CCNH: variants seen among roughly 807,000 people sequenced by gnomAD.
CCNH encodes cyclin-H.
CCNH carries 31 observed loss-of-function variants against 41.9 expected under a neutral mutation model. That is an observed-to-expected ratio of 0.74 (90% CI 0.56 to 1.00). The LOEUF (loss-of-function observed/expected upper bound fraction) is 1.00, where lower values mean the gene tolerates loss of function less well. Among genes scored for constraint, CCNH ranks in the 50% least tolerant of loss-of-function variants. The pLI is 0.00. For synonymous variants in CCNH, 138 were observed against 136.1 expected (o/e 1.01, Z -0.10); for missense variants, 362 against 388.4 (o/e 0.93, Z 0.57).
chr5:87,357,603 G>GC (rs1759748399), intron 9 of CCNH, among the ~76,000 whole-genome samples: 1 of 152,150 alleles, frequency 6.6e-6, no homozygotes, highest in Non-Finnish European at 1.5e-5. Flanking sequence ...TACTCTGGAG[G>GC]CTGAGGCAGG....
chr5:87,374,708 T>C, downstream of CCNH: 1 of 1,283,006 alleles, frequency 7.8e-7, no homozygotes. Flanking sequence ...GTTGTGAATC[T>C]GGTTTTAGGT....
At chr5:87,402,493 G>T (rs1460683514) in intron 5 of CCNH, among the ~76,000 whole-genome samples, 1 of 152,036 alleles carries the variant, frequency 6.6e-6, no homozygotes, top group Non-Finnish European at 1.5e-5. Flanking sequence ...GAAATGAACA[G>T]ATTCTCAAAA....
At chr5:87,380,195 A>ATTAGTGAACTT (rs1418796467), upstream of CCNH, among the ~76,000 whole-genome samples, 1 of 152,164 alleles carries the variant, frequency 6.6e-6, no homozygotes, top group Non-Finnish European at 1.5e-5. Context: ...GGCCTCCAGT[A>ATTAGTGAACTT]TTAGTGAACT....
intron 9 of CCNH, among the ~76,000 whole-genome samples, chr5:87,338,536 A>ATATATATATATATATATATTTTTTT: frequency 1.2e-5 from 1 of 85,214 alleles, no homozygotes; most frequent in African/African-American, 4.4e-5. Context: ...TATATATAAA[A>ATATATATATATATATATATTTTTTT]TTTTTTTTTT....
rs775360258 is a variant in CCNH, at chr5:87,412,692, C to T, written c.103G>A (p.Val35Met). 37 of 1,613,994 alleles carry T rather than the reference C, an allele frequency of 2.3e-5. 1 individual carries two copies. In the South Asian group the frequency reaches 4.0e-4, roughly 17 times the overall value. ...GAAAACCTCACCTTCCCGTTGGCCA[C>T]GGCTTTGCATCTGAATTTGCGGTTG... ...DANRKFRCKA[V>M]ANGKVLPNDP... is the part of the protein sequence containing the mutation. The change falls in exon 1 of 9, where the codon GTG (valine) becomes ATG (methionine). Residue 35 changes from valine to methionine, a missense_variant. Val to Met is a conservative substitution (Grantham distance 21). Transcript: ENST00000256897.
chr5:87,332,482 A>G, intron 9 of CCNH: 6 of 1,587,820 alleles, frequency 3.8e-6, no homozygotes, highest in Non-Finnish European at 4.3e-6. Context: ...ATTTTTTTAT[A>G]CTGTATTTTT....
chr5:87,353,118 T>C (rs1363507380), intron 9 of CCNH: 5 of 1,523,688 alleles, frequency 3.3e-6, no homozygotes, highest in Non-Finnish European at 3.6e-6. Flanking sequence ...TTTGCAGTTT[T>C]ATGAGACAGA....
intron 9 of CCNH, among the ~76,000 whole-genome samples, chr5:87,358,912 T>G (rs1221894963): frequency 1.3e-5 from 2 of 151,500 alleles, no homozygotes; most frequent in Non-Finnish European, 2.9e-5. Flanking sequence ...CTCTTACATC[T>G]TTCAAGTTTT....
downstream of CCNH, among the ~76,000 whole-genome samples, chr5:87,375,450 G>A (rs780556744): frequency 2.8e-4 from 42 of 152,114 alleles, no homozygotes; most frequent in Non-Finnish European, 4.9e-4. Context: ...TAGTAGAGAC[G>A]GGGTTTCAGC....
At chr5:87,411,453 G>C in intron 1 of CCNH, 107 bp from the exon 2 acceptor site, 1 of 998,100 alleles carries the variant, frequency 1.0e-6, no homozygotes, top group South Asian at 2.1e-5. Flanking sequence ...TCCAACGAAG[G>C]GTATATATCA....
downstream of CCNH, among the ~76,000 whole-genome samples, chr5:87,386,519 T>TAA (rs1762072307): frequency 6.6e-6 from 1 of 152,062 alleles, no homozygotes; most frequent in South Asian, 2.1e-4. Context: ...GGCTATGTGT[T>TAA]ACGATTTGTG....
intron 7 of CCNH, among the ~76,000 whole-genome samples, chr5:87,397,635 C>T (rs1008312059): frequency 6.6e-6 from 1 of 151,966 alleles, no homozygotes; most frequent in Non-Finnish European, 1.5e-5. Flanking sequence ...GAGAAGCACC[C>T]CTCAAGTACT....
At position 87,366,541 on chromosome 5, in the gene CCNH, A is replaced by G. The variant is rs571619189; in HGVS notation, c.*90+26229T>C. ...TTCTGTCTGGTAGGGGGAAAGCAATAAATATACATTTACCACTTGCTGTAA... is the reference window on the plus strand; with the variant it reads ...TTCTGTCTGGTAGGGGGAAAGCAATGAATATACATTTACCACTTGCTGTAA... On this transcript the variant is annotated intron_variant and NMD_transcript_variant, in intron 9 of 9. Coordinates refer to the CCNH transcript ENST00000645953. 2.1e-5 allele frequency: 4 copies of G among 194,320 alleles called. No individual in the cohort carries two copies. In the East Asian group the frequency reaches 4.3e-4, roughly 21 times the overall value. The allele number at this position is 194,320 out of a possible 1,614,324, so 12.0% of individuals were successfully genotyped here.
chr5:87,357,221 T>C (rs913417063), intron 9 of CCNH, among the ~76,000 whole-genome samples: 23 of 151,964 alleles, frequency 1.5e-4, no homozygotes, highest in African/African-American at 5.3e-4. Context: ...ACATATAACA[T>C]ACACACACAT....
At position 87,333,291 on chromosome 5, in the gene CCNH, C is replaced by T. The variant is rs137853218; in HGVS notation, c.*91-14394G>A. The T allele has an allele frequency of 6.2e-7, 1 of 1,612,314 alleles. No homozygotes were observed. The highest frequency in any genetic ancestry group is 8.5e-7 in the Non-Finnish European group (1 of 1,179,240). ...GCCAGTAGAAGATAGAAGGCGTGTA[C>T]GAGCTATTCTACCTTACACAAAAGT... On this transcript the variant is annotated intron_variant and NMD_transcript_variant, in intron 9 of 9. Transcript: ENST00000645953.
rs914072161 is a variant in CCNH at position 87,398,772 on chromosome 5, G to A, written c.872+622C>T. 1.2e-4 allele frequency among the ~76,000 whole-genome samples: 18 copies of A among 151,996 alleles called. 1 individual carries two copies. The highest frequency in any genetic ancestry group is 2.0e-4 in the Admixed American group (3 of 15,266). ...GCGGATCATGAGGTCAGGAGATTGAGACCATCCTGGCTAACACGATGAAAC... is the reference window on the plus strand; with the variant it reads ...GCGGATCATGAGGTCAGGAGATTGAAACCATCCTGGCTAACACGATGAAAC... On this transcript the variant is annotated intron_variant, in intron 7 of 8. Transcript: ENST00000256897.
chr5:87,350,043 A>G (rs1422766115), intron 9 of CCNH, among the ~76,000 whole-genome samples: 2 of 151,872 alleles, frequency 1.3e-5, no homozygotes, highest in Non-Finnish European at 1.5e-5. Flanking sequence ...TTGTTCTAAA[A>G]TGCTTATATT....
chr5:87,401,656 C>T, intron 6 of CCNH, 46 bp downstream of exon 6: 2 of 1,153,336 alleles, frequency 1.7e-6, no homozygotes, highest in Non-Finnish European at 1.2e-6. Context: ...TAGAAAGGAG[C>T]TTTGTATTGG....
downstream of CCNH, chr5:87,389,621 T>C: frequency 6.6e-7 from 1 of 1,511,210 alleles, no homozygotes; most frequent in East Asian, 2.3e-5. Context: ...ATTTTTATCT[T>C]GTTACATTAA....
Sources: gnomAD v4.1 joint callset for allele counts (sites outside exome capture counted in the v4.1 genomes callset) on GRCh38, gnomAD v4.1.1 for gene constraint, MANE v1.5 for transcripts, NCBI Gene and HGNC (gene_info 2026-07-23, HGNC 2026-07-21) for gene names.